BNC2: variants seen among roughly 807,000 people sequenced by gnomAD.
BNC2 encodes basonuclin zinc finger protein 2.
Under a neutral mutation model 76.3 loss-of-function variants are expected in BNC2, and 20 were observed. The ratio of observed to expected loss-of-function variants is 0.26; its 90% CI spans 0.18 to 0.38. The LOEUF (loss-of-function observed/expected upper bound fraction) is 0.38. Among genes scored for constraint, BNC2 ranks in the 10% least tolerant of loss-of-function variants. BNC2 has a pLI of 1.00. For missense variants in BNC2, 1,382 were observed against 1,399.8 expected (o/e 0.99, Z 0.20); for synonymous variants, 582 against 514.8 (o/e 1.13, Z -1.77).
chr9:16,419,551 C>A lies in BNC2; in HGVS notation c.2738G>T (p.Arg913Leu). The A allele has an allele frequency of 6.2e-7, 1 of 1,613,822 alleles. No homozygotes were observed. Among genetic ancestry groups the A allele is most frequent in the South Asian group, 1.1e-5 (1 of 91,058 alleles). Residue 913 changes from arginine to leucine, a missense_variant, in exon 7 of 7, where the codon CGC (arginine) becomes CTC (leucine). By Grantham distance (102) the Arg-to-Leu change is moderately radical. Around this residue, in one of 3 missense-constraint regions of BNC2, gnomAD observed 798 missense variants for 775.5 expected, o/e 1.03. Coordinates refer to ENST00000380672, the MANE Select transcript of BNC2 (RefSeq NM_017637.6). ...ATATATCTTCACCAAAAATTCATCG[C>A]GGAGGTCCTTGCTAAGGGAGGGCTG... ...SSQPSLSKDL[R>L]DEFLVKIYGA... is the part of the protein sequence containing the mutation.
At chr9:16,691,598 C>T (rs1325658478) in intron 3 of BNC2, among the ~76,000 whole-genome samples, 1 of 148,790 alleles carries the variant, frequency 6.7e-6, no homozygotes, top group Non-Finnish European at 1.5e-5. Context: ...AAAGCTGTGC[C>T]TCCTGGGTTC....
intron 3 of BNC2, among the ~76,000 whole-genome samples, chr9:16,691,730 C>T (rs1247755570): frequency 1.3e-5 from 2 of 151,300 alleles, no homozygotes; most frequent in Admixed American, 6.6e-5. Flanking sequence ...AGGATGGTCT[C>T]GATCTCCTGA....
rs373879208 is a variant in BNC2, at chr9:16,419,631, G to A, written c.2658C>T (p.Asn886=). Residue 886 remains asparagine, a synonymous_variant, in exon 7 of 7, where the codon AAC becomes AAT. Coordinates refer to ENST00000380672, the MANE Select transcript of BNC2 (RefSeq NM_017637.6). ...RSRDRHSANI[N]LHRKLLTKEL... ...CTTTGGTCAACAGTTTACGATGTAG[G>A]TTTATGTTGGCACTGTGTCTAGGAA... The A allele has an allele frequency of 1.4e-6, 2 of 1,394,868 alleles. No homozygotes were observed. The highest frequency in any genetic ancestry group is 1.6e-5 in the African/African-American group (1 of 63,824). The allele number at this position is 1,394,868 out of a possible 1,614,324, so 86.4% of individuals were successfully genotyped here.
chr9:16,588,476 C>T (rs977107612), intron 3 of BNC2, among the ~76,000 whole-genome samples: 13 of 152,168 alleles, frequency 8.5e-5, no homozygotes, highest in South Asian at 8.3e-4. Flanking sequence ...GTGTTTTACA[C>T]GGCTCTTAAA....
intron 3 of BNC2, among the ~76,000 whole-genome samples, chr9:16,679,788 G>C (rs540637740): frequency 6.6e-6 from 1 of 152,364 alleles, no homozygotes; most frequent in South Asian, 2.1e-4. Flanking sequence ...GGCACATTAT[G>C]TGAAGTGATC....
Position 16,449,174 on chromosome 9 carries a change from G to A in BNC2, c.670-11650C>T, listed in dbSNP as rs563400487. Among the ~76,000 whole-genome samples the A allele has an allele frequency of 3.9e-5, 6 of 152,262 alleles. No individual in the cohort carries two copies. The South Asian group carries it at 1.0e-3, about 26-fold the overall frequency. ...AGCACAAGGTAATAACGGCGTCTGC[G>A]TGCCTTAATACCCTCTTGTCCCAGC... is the stretch of plus-strand genomic sequence containing the variant. On this transcript the variant is annotated intron_variant, in intron 5 of 6. Transcript: ENST00000380672.
intron 1 of BNC2, among the ~76,000 whole-genome samples, chr9:16,853,333 G>A (rs1168476042): frequency 6.6e-6 from 1 of 151,228 alleles, no homozygotes; most frequent in East Asian, 2.0e-4. Context: ...TGAGCCCAGG[G>A]AGGTCGAGGC....
At chr9:16,659,477 G>A (rs1452862991) in intron 3 of BNC2, among the ~76,000 whole-genome samples, 5 of 152,002 alleles carry the variant, frequency 3.3e-5, no homozygotes, top group African/African-American at 7.2e-5. Flanking sequence ...GTGTGGTGGT[G>A]CATGCCTGTA....
At chr9:16,564,071 T>TG (rs1819094580) in intron 4 of BNC2, among the ~76,000 whole-genome samples, 1 of 151,946 alleles carries the variant, frequency 6.6e-6, no homozygotes, top group Non-Finnish European at 1.5e-5. Context: ...GGAAAAGGAG[T>TG]GGAAACAACA....
intron 6 of BNC2, among the ~76,000 whole-genome samples, chr9:16,423,716 A>G (rs959966457): frequency 1.3e-5 from 2 of 152,196 alleles, no homozygotes; most frequent in Admixed American, 6.5e-5. Context: ...TGGCGACAAA[A>G]CAAACGGTGA....
chr9:16,851,311 C>T (rs1819121602), intron 1 of BNC2, among the ~76,000 whole-genome samples: 3 of 151,770 alleles, frequency 2.0e-5, no homozygotes, highest in Non-Finnish European at 4.4e-5. Flanking sequence ...AGTTTGAGAC[C>T]AGCCTGGGCA....
intron 3 of BNC2, among the ~76,000 whole-genome samples, chr9:16,687,564 A>T (rs1220856397): frequency 6.6e-6 from 1 of 152,144 alleles, no homozygotes; most frequent in African/African-American, 2.4e-5. Context: ...AAAAGAAAAA[A>T]ATTAACCTGA....
At chr9:16,689,339 C>G (rs1367865381) in intron 3 of BNC2, among the ~76,000 whole-genome samples, 1 of 152,038 alleles carries the variant, frequency 6.6e-6, no homozygotes, top group Admixed American at 6.6e-5. Flanking sequence ...GAAATGATAA[C>G]TTGAGAGAAG....
chr9:16,412,521 A>C lies in BNC2; in HGVS notation c.*6468T>G, dbSNP rs915956684. ...CTCAAGATGGAATTGTTAACACTTA[A>C]GTTTTCAAAGAAGCAAAGGATGCCG... On this transcript the variant is annotated 3_prime_UTR_variant, in exon 7 of 7. Transcript: ENST00000380672. The C allele has an allele frequency of 3.3e-5, 5 of 152,582 alleles. No homozygotes were observed. The highest frequency in any genetic ancestry group is 1.2e-4 in the African/African-American group (5 of 41,432). The allele number at this position is 152,582 out of a possible 1,614,324, so 9.5% of individuals were successfully genotyped here.
intron 1 of BNC2, among the ~76,000 whole-genome samples, chr9:16,785,888 G>T (rs1437301985): frequency 6.6e-6 from 1 of 152,140 alleles, no homozygotes; most frequent in East Asian, 1.9e-4. Flanking sequence ...CATTGCTGGG[G>T]CCTTTTCCCA....
At chr9:16,832,173 A>T (rs1289372437) in intron 1 of BNC2, 2 of 692,172 alleles carry the variant, frequency 2.9e-6, no homozygotes, top group Non-Finnish European at 4.2e-6. Context: ...GGTTTCATTC[A>T]TGCGCCCTTA....
At chr9:16,812,504 C>T (rs1818077646) in intron 1 of BNC2, among the ~76,000 whole-genome samples, 1 of 152,216 alleles carries the variant, frequency 6.6e-6, no homozygotes, top group South Asian at 2.1e-4. Flanking sequence ...CACCTGCCTG[C>T]AGTTTGTCAC....
At chr9:16,431,999 G>T (rs964271117) in intron 6 of BNC2, among the ~76,000 whole-genome samples, 1 of 152,178 alleles carries the variant, frequency 6.6e-6, no homozygotes, top group African/African-American at 2.4e-5. Flanking sequence ...GCAGCCCCGG[G>T]GTTGGGGACC....
rs71327866 is a variant in BNC2, at chr9:16,861,181, A to AATATAT, written c.3+9459_3+9464dup. 1.0e-3 allele frequency among the ~76,000 whole-genome samples: 132 copies of AATATAT among 131,752 alleles called. 5 individuals carry two copies. Among genetic ancestry groups the AATATAT allele is most frequent in the Middle Eastern group, 3.8e-3 (1 of 260 alleles). The allele number at this position is 131,752 out of a possible 152,430, so 86.4% of individuals were successfully genotyped here. ...ACATGGTAATACCCTATCTCTACAA[A>AATATAT]ATATATATATATATATATATAAATT... On this transcript the variant is annotated intron_variant, in intron 1 of 6. Coordinates refer to ENST00000380672, the MANE Select transcript of BNC2 (RefSeq NM_017637.6).
Sources: allele counts gnomAD v4.1 joint callset (sites outside exome capture counted in the v4.1 genomes callset), GRCh38; gene constraint gnomAD v4.1.1; regional missense constraint gnomAD v4.1.1; transcripts MANE v1.5; gene names NCBI Gene and HGNC (gene_info 2026-07-23, HGNC 2026-07-21).